Variants in BEND6 observed in about 807,000 individuals in gnomAD.
BEND6 encodes BEN domain containing 6.
A neutral mutation model predicts 31.8 loss-of-function variants in BEND6; 24 were observed. The observed-to-expected ratio is 0.75, with a 90% CI of 0.55 to 1.06. BEND6 has a LOEUF of 1.06. Among genes scored for constraint, BEND6 ranks in the 50% least tolerant of loss-of-function variants. The pLI, the probability that BEND6 is intolerant of heterozygous loss-of-function variation, is 0.00. For synonymous variants in BEND6, 109 were observed against 114.6 expected (o/e 0.95, Z 0.31); for missense variants, 294 against 327.4 (o/e 0.90, Z 0.79).
intron 3 of BEND6, chr6:57,010,122 C>T (rs958044939): frequency 3.9e-5 from 6 of 152,190 alleles, no homozygotes; most frequent in African/African-American, 1.4e-4. Context: ...GAAGTTAAAA[C>T]AGTACCTGAA....
At chr6:56,984,682 G>C (rs925954874) in intron 2 of BEND6, among the ~76,000 whole-genome samples, 1 of 152,280 alleles carries the variant, frequency 6.6e-6, no homozygotes, top group South Asian at 2.1e-4. Context: ...ATTTGATCAT[G>C]GATTGTAAGC....
At chr6:57,012,960 C>T (rs1827396461) in intron 3 of BEND6, among the ~76,000 whole-genome samples, 1 of 152,142 alleles carries the variant, frequency 6.6e-6, no homozygotes, top group South Asian at 2.1e-4. Flanking sequence ...TTAATCCCTG[C>T]TCAGCCTTAA....
chr6:57,014,195 G>T (rs1314506021), intron 3 of BEND6, among the ~76,000 whole-genome samples: 1 of 152,118 alleles, frequency 6.6e-6, no homozygotes, highest in African/African-American at 2.4e-5. Context: ...TACATGAGAG[G>T]TGCTTAATAA....
chr6:56,987,715 A>T (rs1826334571), intron 2 of BEND6, among the ~76,000 whole-genome samples: 4 of 152,118 alleles, frequency 2.6e-5, no homozygotes, highest in Admixed American at 2.6e-4. Context: ...TGGGCAGTAG[A>T]GGCTTTCTTT....
At chr6:57,014,976 G>T (rs535667506) in intron 3 of BEND6, among the ~76,000 whole-genome samples, 157 bp from the exon 4 acceptor site, 2 of 152,242 alleles carry the variant, frequency 1.3e-5, no homozygotes, top group African/African-American at 4.8e-5. Context: ...AAGTAAATAT[G>T]TTCCAAACAC....
At chr6:57,004,785 C>A in intron 3 of BEND6, 1 of 950,970 alleles carries the variant, frequency 1.1e-6, no homozygotes, top group Non-Finnish European at 1.7e-6. Context: ...TGAAATCCAT[C>A]AAAGAATTGG....
intron 5 of BEND6, among the ~76,000 whole-genome samples, chr6:57,017,878 G>A (rs1241717888): frequency 4.6e-5 from 7 of 152,034 alleles, no homozygotes; most frequent in Non-Finnish European, 1.0e-4. Flanking sequence ...CTCTATATAT[G>A]TCATTTCTTA....
At chr6:57,018,702 G>T (rs1175024052) in intron 6 of BEND6, 145 bp downstream of exon 6, 4 of 835,810 alleles carry the variant, frequency 4.8e-6, no homozygotes, top group Non-Finnish European at 4.9e-6. Flanking sequence ...GGTGGCAAAA[G>T]GGGAGAACTG....
At chr6:56,975,908 A>T in intron 1 of BEND6, 1 of 528,858 alleles carries the variant, frequency 1.9e-6, no homozygotes, top group Non-Finnish European at 3.9e-6. Context: ...AACATCATAA[A>T]TTATTCCTCC....
chr6:56,960,892 G>A (rs1825264145), intron 1 of BEND6, among the ~76,000 whole-genome samples: 1 of 152,116 alleles, frequency 6.6e-6, no homozygotes, highest in African/African-American at 2.4e-5. Flanking sequence ...GTAAAACAGG[G>A]CAACAAACAG....
rs1292276695 is a variant in BEND6 at position 57,008,225 on chromosome 6, A to G, written c.299-6908A>G. On this transcript the variant is annotated intron_variant, in intron 3 of 6. Transcript: ENST00000370746. ...TTAGACTCTCCAATGAATGTGTTCA[A>G]ACAGCTGCCTCTGTTACCTTGACTC... The G allele has an allele frequency of 5.7e-6, 4 of 702,794 alleles. No homozygotes were observed. The East Asian group carries it at 8.0e-5, about 14-fold the overall frequency. 43.5% of individuals were successfully genotyped at this position (702,794 alleles called of 1,614,324 possible). A position where few individuals can be genotyped will look rare whatever the true frequency, so the allele number is the denominator to read the frequency against.
intron 1 of BEND6, among the ~76,000 whole-genome samples, chr6:56,975,040 C>G (rs1292684260): frequency 6.6e-6 from 1 of 152,094 alleles, no homozygotes; most frequent in Non-Finnish European, 1.5e-5. Context: ...ATCACTTGAA[C>G]CTGGGAGGTG....
At chr6:57,011,715 C>CAAAAAAAAAAAAAAAAAAAGAAAAA (rs1827348256) in intron 3 of BEND6, among the ~76,000 whole-genome samples, 1 of 34,112 alleles carries the variant, frequency 2.9e-5, no homozygotes, top group African/African-American at 1.1e-4. Context: ...GGCCCTGTCT[C>CAAAAAAAAAAAAAAAAAAAGAAAAA]AAAAAAAAAA....
intron 3 of BEND6, among the ~76,000 whole-genome samples, chr6:56,994,339 G>T (rs1826620578): frequency 6.6e-6 from 1 of 150,570 alleles, no homozygotes; most frequent in Non-Finnish European, 1.5e-5. Flanking sequence ...GGCACCTGTA[G>T]TCCCAGCTAC....
At chr6:56,968,628 G>C (rs972606623) in intron 1 of BEND6, among the ~76,000 whole-genome samples, 1 of 151,892 alleles carries the variant, frequency 6.6e-6, no homozygotes, top group Non-Finnish European at 1.5e-5. Context: ...CAAACATAAC[G>C]TTTCTTAGGC....
chr6:56,998,789 T>G (rs1319172931), intron 3 of BEND6, among the ~76,000 whole-genome samples: 1 of 144,418 alleles, frequency 6.9e-6, no homozygotes, highest in African/African-American at 2.6e-5. Context: ...AAAAGGCAAA[T>G]AGAATCACAT....
At chr6:56,975,915 C>T (rs1393741506) in intron 1 of BEND6, 19 of 531,610 alleles carry the variant, frequency 3.6e-5, no homozygotes, top group South Asian at 2.2e-4. Flanking sequence ...TAAATTATTC[C>T]TCCAGTGGTG....
chr6:56,989,286 T>C (rs1041543882), intron 2 of BEND6, among the ~76,000 whole-genome samples: 2 of 151,694 alleles, frequency 1.3e-5, no homozygotes, highest in Non-Finnish European at 2.9e-5. Context: ...CTGAAATTAA[T>C]TCATTTTGGC....
chr6:57,020,005 G>A (rs1301298999), intron 6 of BEND6, among the ~76,000 whole-genome samples: 2 of 152,146 alleles, frequency 1.3e-5, no homozygotes, highest in Non-Finnish European at 2.9e-5. Context: ...AGCCTGAGGT[G>A]GGAGGATAGC....
Sources: gnomAD v4.1 joint callset for allele counts (sites outside exome capture counted in the v4.1 genomes callset) on GRCh38, gnomAD v4.1.1 for gene constraint, MANE v1.5 for transcripts, NCBI Gene and HGNC (gene_info 2026-07-23, HGNC 2026-07-21) for gene names.